WIPF1: variants seen among roughly 807,000 people sequenced by gnomAD.
WIPF1 encodes the protein WAS/WASL interacting protein family member 1, also known as WAS/WASL-interacting protein family member 1.
WIPF1 carries 13 observed loss-of-function variants against 35.4 expected under a neutral mutation model. The observed-to-expected ratio is 0.37, with a 90% CI of 0.24 to 0.58. The LOEUF (loss-of-function observed/expected upper bound fraction) is 0.58. Ranked by LOEUF, WIPF1 falls within the 20% of genes least tolerant of loss-of-function variation. WIPF1 has a pLI of 0.74. For synonymous variants in WIPF1, 267 were observed against 266.3 expected, an observed-to-expected ratio of 1.00 and a Z score of -0.02; for missense variants, 591 against 667.0, an observed-to-expected ratio of 0.89 and a Z score of 1.25.
In WIPF1 at chr2:174,567,825, T is replaced by C. The variant is rs370232631; in HGVS notation, c.1342+36A>G. 13 of 1,521,104 alleles carry C rather than the reference T, an allele frequency of 8.5e-6. No individual in the cohort carries two copies. In the African/African-American group the frequency reaches 1.8e-4, roughly 21 times the overall value. 94.2% of individuals were successfully genotyped at this position (1,521,104 alleles called of 1,614,324 possible). A position where few individuals can be genotyped will look rare whatever the true frequency, so the allele number is the denominator to read the frequency against. On this transcript the variant is annotated intron_variant, in intron 6 of 7. Coordinates refer to ENST00000679041, the MANE Select transcript of WIPF1 (RefSeq NM_001375834.1). ...ACAAACAGATTTACCATTTAGTTGCTGCCCTATAGCCCAGGGAGCTGGGAC... is the reference window on the plus strand; with the variant it reads ...ACAAACAGATTTACCATTTAGTTGCCGCCCTATAGCCCAGGGAGCTGGGAC...
chr2:174,663,345 A>C (rs1338534518), intron 1 of WIPF1, among the ~76,000 whole-genome samples: 1 of 152,134 alleles, frequency 6.6e-6, no homozygotes, highest in Admixed American at 6.5e-5. Context: ...CCAATAAAAC[A>C]TTTTCCCCTT....
chr2:174,648,205 T>C (rs534881818), intron 1 of WIPF1, among the ~76,000 whole-genome samples: 18 of 152,304 alleles, frequency 1.2e-4, no homozygotes, highest in Non-Finnish European at 2.1e-4. Flanking sequence ...CATTGTACGT[T>C]GTATAGTGAC....
At chr2:174,570,932 ACT>A (rs1684811208) in intron 5 of WIPF1, among the ~76,000 whole-genome samples, 1 of 152,150 alleles carries the variant, frequency 6.6e-6, no homozygotes, top group African/African-American at 2.4e-5. Context: ...GAGAGGGCAA[ACT>A]CTAGGCAATC....
At chr2:174,650,900 G>A (rs941895274) in intron 1 of WIPF1, among the ~76,000 whole-genome samples, 6 of 152,244 alleles carry the variant, frequency 3.9e-5, no homozygotes, top group African/African-American at 1.4e-4. Flanking sequence ...TATGTCTACA[G>A]AGACAGCCCT....
intron 1 of WIPF1, among the ~76,000 whole-genome samples, chr2:174,674,290 CA>C (rs1192431613): frequency 3.3e-5 from 5 of 152,322 alleles, no homozygotes; most frequent in South Asian, 2.1e-4. Context: ...CTAATGCTCT[CA>C]AAGAACCTTT....
In WIPF1 at chr2:174,566,984, CAAG is replaced by C. The variant is rs960576776; in HGVS notation, c.1456+83_1456+85del. On this transcript the variant is annotated intron_variant, in intron 7 of 7. Transcript: ENST00000679041. ...AAAGGGTTCTCTACCCCACTCCAGG[CAAG>C]AAGCCTGGACTTTCTATATAGCCCG... 5.9e-6 allele frequency: 8 copies of C among 1,355,936 alleles called. No homozygotes were observed. The Admixed American group carries it at 1.5e-4, about 26-fold the overall frequency. 84.0% of individuals were successfully genotyped at this position (1,355,936 alleles called of 1,614,324 possible). A position where few individuals can be genotyped will look rare whatever the true frequency, so the allele number is the denominator to read the frequency against.
At chr2:174,624,345 T>C (rs543829805) in intron 1 of WIPF1, among the ~76,000 whole-genome samples, 1 of 152,258 alleles carries the variant, frequency 6.6e-6, no homozygotes, top group South Asian at 2.1e-4. Flanking sequence ...TTAATCAAAG[T>C]TGTGTTTCTA....
intron 7 of WIPF1, among the ~76,000 whole-genome samples, chr2:174,564,389 G>A (rs929403866): frequency 3.9e-5 from 6 of 152,178 alleles, no homozygotes; most frequent in African/African-American, 1.4e-4. Context: ...GGAGGTTAAG[G>A]CAGGGGACTA....
At chr2:174,659,254 A>T (rs1687708201) in intron 1 of WIPF1, among the ~76,000 whole-genome samples, 1 of 152,174 alleles carries the variant, frequency 6.6e-6, no homozygotes, top group Non-Finnish European at 1.5e-5. Context: ...GACTACAGAC[A>T]TGAGCCACCA....
chr2:174,598,768 A>G (rs1178325387), upstream of WIPF1, among the ~76,000 whole-genome samples: 1 of 151,548 alleles, frequency 6.6e-6, no homozygotes, highest in Non-Finnish European at 1.5e-5. Context: ...AAGATGCTTG[A>G]CAAAAGCATA....
At chr2:174,670,153 G>T (rs370879392) in intron 1 of WIPF1, among the ~76,000 whole-genome samples, 1 of 152,112 alleles carries the variant, frequency 6.6e-6, no homozygotes, top group East Asian at 1.9e-4. Flanking sequence ...CAGCCACACA[G>T]ATGAAGATTA....
chr2:174,583,042 CA>C (rs1452871861), intron 2 of WIPF1, among the ~76,000 whole-genome samples: 1 of 152,124 alleles, frequency 6.6e-6, no homozygotes, highest in Non-Finnish European at 1.5e-5. Context: ...AGCTGGGATT[CA>C]AACCCTGGCA....
At chr2:174,572,922 G>T (rs1684921909) in intron 4 of WIPF1, among the ~76,000 whole-genome samples, 1 of 152,158 alleles carries the variant, frequency 6.6e-6, no homozygotes, top group Non-Finnish European at 1.5e-5. Context: ...AAATGTGAGG[G>T]CTTATCTAGT....
chr2:174,630,672 A>G (rs1447187178), intron 1 of WIPF1: 1 of 152,300 alleles, frequency 6.6e-6, no homozygotes, highest in African/African-American at 2.4e-5. Flanking sequence ...TAAAAAATCA[A>G]TCAGGCACAT....
chr2:174,588,409 G>A (rs923431931), intron 1 of WIPF1, among the ~76,000 whole-genome samples: 6 of 152,228 alleles, frequency 3.9e-5, no homozygotes, highest in African/African-American at 1.4e-4. Context: ...GGGTATGGTT[G>A]TCATGAGTTC....
chr2:174,586,068 G>T (rs1685411458), intron 1 of WIPF1, among the ~76,000 whole-genome samples: 1 of 152,170 alleles, frequency 6.6e-6, no homozygotes, highest in South Asian at 2.1e-4. Flanking sequence ...CGCCAAGTCT[G>T]TGTGTGCACT....
At chr2:174,611,276 G>A (rs1686335894) in intron 1 of WIPF1, among the ~76,000 whole-genome samples, 1 of 152,122 alleles carries the variant, frequency 6.6e-6, no homozygotes, top group African/African-American at 2.4e-5. Context: ...TGTCAGAGCA[G>A]CACTAATCCA....
chr2:174,677,983 C>T (rs1156550736), intron 1 of WIPF1, among the ~76,000 whole-genome samples: 6 of 152,130 alleles, frequency 3.9e-5, no homozygotes, highest in African/African-American at 1.4e-4. Context: ...TTCTCTAAGC[C>T]TCAGGTTCCA....
Position 174,573,514 on chromosome 2 carries a change from A to G in WIPF1, c.359-1068T>C, listed in dbSNP as rs147268702. Among the ~76,000 whole-genome samples the G allele has an allele frequency of 2.4e-4, 37 of 152,344 alleles. 1 individual carries two copies. In the East Asian group the frequency reaches 6.6e-3, roughly 27 times the overall value. ...ACTAAAATAGGCCGATGAGATCAAG[A>G]GTGCTTGGAGAGGCCAGGGTACATG... On this transcript the variant is annotated intron_variant, in intron 4 of 7. Transcript: ENST00000679041.
Sources: gnomAD v4.1 joint callset for allele counts (sites outside exome capture counted in the v4.1 genomes callset) on GRCh38, gnomAD v4.1.1 for gene constraint, MANE v1.5 for transcripts, NCBI Gene and HGNC (gene_info 2026-07-23, HGNC 2026-07-21) for gene names.